SIAH1: variants seen among roughly 807,000 people sequenced by gnomAD.
SIAH1 encodes the protein E3 ubiquitin-protein ligase SIAH1.
A neutral mutation model predicts 20.0 loss-of-function variants in SIAH1; 2 were observed. That is an observed-to-expected ratio of 0.10 (90% CI 0.04 to 0.31). The LOEUF (loss-of-function observed/expected upper bound fraction) is 0.31. Ranked by LOEUF, SIAH1 falls within the 10% of genes least tolerant of loss-of-function variation. The pLI, the probability that SIAH1 is intolerant of heterozygous loss-of-function variation, is 1.00. For missense variants in SIAH1, 119 were observed against 355.3 expected (o/e 0.33, Z 5.35); for synonymous variants, 118 against 125.3 (o/e 0.94, Z 0.39).
chr16:48,375,725 A>G (rs1235937395), intron 1 of SIAH1, among the ~76,000 whole-genome samples: 3 of 152,222 alleles, frequency 2.0e-5, no homozygotes, highest in Non-Finnish European at 2.9e-5. Context: ...GGTTAAAAGA[A>G]AAAAATAGGT....
intron 1 of SIAH1, among the ~76,000 whole-genome samples, chr16:48,372,131 CAG>C (rs962997456): frequency 1.9e-4 from 29 of 151,958 alleles, no homozygotes; most frequent in East Asian, 1.2e-3. Context: ...ATTAAAGAAA[CAG>C]GGTAAAAAGT....
intron 1 of SIAH1, among the ~76,000 whole-genome samples, chr16:48,364,530 T>G (rs1473064523): frequency 1.3e-5 from 2 of 152,170 alleles, no homozygotes; most frequent in Non-Finnish European, 2.9e-5. Context: ...ACTCAGAACA[T>G]GAATCAACTC....
At chr16:48,364,280 T>C (rs1388381067) in intron 1 of SIAH1, among the ~76,000 whole-genome samples, 11 of 152,174 alleles carry the variant, frequency 7.2e-5, no homozygotes, top group Admixed American at 2.0e-4. Context: ...AAATTAATGT[T>C]TTATCTCAAT....
At chr16:48,384,643 C>A (rs975898314) in intron 1 of SIAH1, among the ~76,000 whole-genome samples, 1 of 151,384 alleles carries the variant, frequency 6.6e-6, no homozygotes, top group African/African-American at 2.4e-5. Context: ...CCGGACGGCT[C>A]CAGCCGGGGG....
intron 1 of SIAH1, among the ~76,000 whole-genome samples, chr16:48,372,722 T>C (rs768089027): frequency 1.3e-5 from 2 of 152,166 alleles, no homozygotes; most frequent in African/African-American, 2.4e-5. Flanking sequence ...TACGACCACA[T>C]GATACAGGGC....
intron 1 of SIAH1, among the ~76,000 whole-genome samples, chr16:48,380,193 G>A (rs1961235898): frequency 6.6e-6 from 1 of 151,946 alleles, no homozygotes; most frequent in Non-Finnish European, 1.5e-5. Flanking sequence ...TGTAATCCCA[G>A]CACTTTGGGA....
At chr16:48,365,975 G>A in intron 1 of SIAH1, 3 of 1,075,328 alleles carry the variant, frequency 2.8e-6, no homozygotes, top group Admixed American at 4.7e-5. Context: ...GGGGCGCCAG[G>A]GCCAGTTCAG....
upstream of SIAH1, among the ~76,000 whole-genome samples, chr16:48,386,279 G>A (rs1961464363): frequency 6.6e-6 from 1 of 152,198 alleles, no homozygotes; most frequent in Non-Finnish European, 1.5e-5. Flanking sequence ...GGCCGAGGCC[G>A]ATGGATTACC....
intron 1 of SIAH1, among the ~76,000 whole-genome samples, chr16:48,366,637 T>C (rs544029921): frequency 6.6e-6 from 1 of 152,204 alleles, no homozygotes; most frequent in African/African-American, 2.4e-5. Context: ...CAGATTTGCA[T>C]TGCATCAGCT....
chr16:48,365,214 A>G (rs1323210787), intron 1 of SIAH1: 5 of 661,072 alleles, frequency 7.6e-6, no homozygotes, highest in Non-Finnish European at 1.3e-5. Context: ...GTCATGACGT[A>G]ACCTGAAGTT....
intron 1 of SIAH1, among the ~76,000 whole-genome samples, chr16:48,382,423 G>A (rs1030566495): frequency 6.6e-6 from 1 of 152,044 alleles, no homozygotes; most frequent in South Asian, 2.1e-4. Context: ...AATGTCATTA[G>A]AATACGCACA....
chr16:48,375,340 C>T (rs184451394), intron 1 of SIAH1, among the ~76,000 whole-genome samples: 5 of 152,190 alleles, frequency 3.3e-5, no homozygotes, highest in East Asian at 1.9e-4. Context: ...ACTGTTTAAA[C>T]GGGGTGGGGG....
rs1354307217 is a variant in SIAH1 at position 48,360,999 on chromosome 16, G to A, written c.*581C>T. The A allele has an allele frequency of 6.6e-6, 1 of 152,138 alleles. No homozygotes were observed. The highest frequency in any genetic ancestry group is 1.5e-5 in the Non-Finnish European group (1 of 68,058). 9.4% of individuals were successfully genotyped at this position (152,138 alleles called of 1,614,324 possible). A position where few individuals can be genotyped will look rare whatever the true frequency, so the allele number is the denominator to read the frequency against. Reference sequence around the variant, plus strand: ...TAAATTTTTTACCATAAACAAATATGCATATCAAAAGATACTAACTTTAAA... The same window carrying A: ...TAAATTTTTTACCATAAACAAATATACATATCAAAAGATACTAACTTTAAA... On this transcript the variant is annotated 3_prime_UTR_variant, in exon 2 of 2. Transcript: ENST00000394725.
At chr16:48,385,137 G>C (rs1289382166) in intron 1 of SIAH1, 67 bp downstream of exon 1, 6 of 190,068 alleles carry the variant, frequency 3.2e-5, no homozygotes, top group Non-Finnish European at 6.8e-5. Flanking sequence ...CCATTACCGG[G>C]CCTGGGCGCC....
At chr16:48,369,006 C>T (rs898158160) in intron 1 of SIAH1, among the ~76,000 whole-genome samples, 4 of 152,064 alleles carry the variant, frequency 2.6e-5, no homozygotes, top group East Asian at 1.9e-4. Flanking sequence ...AAATGTTTTA[C>T]GTTAAAATGT....
At chr16:48,384,972 C>G (rs1281399135) in intron 1 of SIAH1, among the ~76,000 whole-genome samples, 1 of 146,500 alleles carries the variant, frequency 6.8e-6, no homozygotes, top group South Asian at 2.1e-4. Flanking sequence ...GGGCCCGGGG[C>G]TCCAGGGGCG....
intron 1 of SIAH1, among the ~76,000 whole-genome samples, chr16:48,377,587 G>A (rs551101150): frequency 6.6e-6 from 1 of 152,050 alleles, no homozygotes; most frequent in South Asian, 2.1e-4. Context: ...CAAGGACAGG[G>A]CTTCACCATG....
intron 1 of SIAH1, chr16:48,365,408 C>A (rs746144200): frequency 6.2e-7 from 1 of 1,613,998 alleles, no homozygotes; most frequent in East Asian, 2.2e-5. Context: ...CTTGTCCTGG[C>A]CGCTGGTAAA....
Position 48,380,986 on chromosome 16 carries a change from C to T in SIAH1, c.-3+4218G>A, listed in dbSNP as rs1054536544. On this transcript the variant is annotated intron_variant, in intron 1 of 1. Transcript: ENST00000394725. ...AGAACAGTGGTAGCTCCAAATCCGG[C>T]CGAGGATACAGAGCAACAGGAACGC... Among the ~76,000 whole-genome samples the T allele has an allele frequency of 3.4e-5, 5 of 146,526 alleles. No individual in the cohort carries two copies. The South Asian group carries it at 1.1e-3, about 32-fold the overall frequency.
Sources: gnomAD v4.1 joint callset for allele counts (sites outside exome capture counted in the v4.1 genomes callset) on GRCh38, gnomAD v4.1.1 for gene constraint, MANE v1.5 for transcripts, NCBI Gene and HGNC (gene_info 2026-07-23, HGNC 2026-07-21) for gene names.